The following POU6F2 variants were observed in gnomAD, a reference collection of about 807,000 sequenced individuals.
POU6F2 encodes the protein POU domain, class 6, transcription factor 2.
In POU6F2, 31 loss-of-function variants were observed where a neutral mutation model predicts 71.3. The observed-to-expected ratio is 0.43, with a 90% CI of 0.33 to 0.59. The LOEUF is 0.59. Ranked by LOEUF, POU6F2 falls within the 20% of genes least tolerant of loss-of-function variation. POU6F2 has a pLI of 0.04. For missense variants in POU6F2, 783 were observed against 856.8 expected, an observed-to-expected ratio of 0.91 and a Z score of 1.07; for synonymous variants, 347 against 355.7, an observed-to-expected ratio of 0.98 and a Z score of 0.27.
chr7:39,454,670 AT>A (rs1788746156), intron 8 of POU6F2, among the ~76,000 whole-genome samples: 1 of 1,422 alleles, frequency 7.0e-4, no homozygotes, highest in Non-Finnish European at 1.1e-3. Context: ...ATATATATAT[AT>A]ATATATATAT....
intron 2 of POU6F2, among the ~76,000 whole-genome samples, chr7:39,162,068 G>A (rs1034215598): frequency 4.6e-5 from 7 of 152,148 alleles, no homozygotes; most frequent in African/African-American, 1.7e-4. Flanking sequence ...AACCTCTCAT[G>A]GAGTTTCCAT....
chr7:39,017,612 G>A (rs1346757624), intron 1 of POU6F2, among the ~76,000 whole-genome samples: 2 of 152,052 alleles, frequency 1.3e-5, no homozygotes, highest in Admixed American at 1.3e-4. Context: ...CCACCTCTCT[G>A]CCTCTCCTAC....
Position 39,279,058 on chromosome 7 carries a change from G to A in POU6F2, c.599-60584G>A, listed in dbSNP as rs186560143. Among the ~76,000 whole-genome samples the A allele has an allele frequency of 1.3e-3, 203 of 152,158 alleles. 1 individual carries two copies. Among genetic ancestry groups the A allele is most frequent in the Non-Finnish European group, 1.4e-3 (98 of 67,986 alleles). Reference sequence around the variant, plus strand: ...TGCCCAGTCTCCCAGGTGCACCATGGCCCCAGTCTCTCCGGACTGCCTGGT... The same window carrying A: ...TGCCCAGTCTCCCAGGTGCACCATGACCCCAGTCTCTCCGGACTGCCTGGT... On this transcript the variant is annotated intron_variant, in intron 4 of 9. Coordinates refer to ENST00000518318, the MANE Select transcript of POU6F2 (RefSeq NM_001370959.1).
In POU6F2 at chr7:39,310,889, G is replaced by A. The variant is rs926735026; in HGVS notation, c.599-28753G>A. Among the ~76,000 whole-genome samples the A allele has an allele frequency of 3.3e-5, 5 of 152,130 alleles. No homozygotes were observed. In the South Asian group the frequency reaches 8.3e-4, roughly 25 times the overall value. On this transcript the variant is annotated intron_variant, in intron 4 of 9. Transcript: ENST00000518318. ...CCTGTGTCCAAGACAGAGGTGAAGA[G>A]CTGCTTGGGAAGGGAGGGAAGAGGC... is the stretch of plus-strand genomic sequence containing the variant.
intron 1 of POU6F2, among the ~76,000 whole-genome samples, chr7:39,027,634 A>G (rs189202414): frequency 6.4e-4 from 98 of 152,332 alleles, no homozygotes; most frequent in Middle Eastern, 3.4e-3. Flanking sequence ...ATATTTTGGC[A>G]TGTGGGACAA....
At chr7:39,445,796 C>T (rs1489547327) in intron 7 of POU6F2, among the ~76,000 whole-genome samples, 4 of 152,168 alleles carry the variant, frequency 2.6e-5, no homozygotes, top group Non-Finnish European at 5.9e-5. Context: ...TCATTATACC[C>T]TCCTAGTTAA....
intron 2 of POU6F2, among the ~76,000 whole-genome samples, chr7:39,185,259 T>G (rs1233644409): frequency 1.3e-5 from 2 of 152,030 alleles, no homozygotes; most frequent in Non-Finnish European, 2.9e-5. Flanking sequence ...ACAAGAATGC[T>G]CAGTCCAGTG....
chr7:39,407,497 G>A (rs1010376348), intron 6 of POU6F2, among the ~76,000 whole-genome samples: 2 of 150,734 alleles, frequency 1.3e-5, no homozygotes, highest in African/African-American at 2.4e-5. Flanking sequence ...AAAAGCAAAC[G>A]AGATGAAGCT....
At chr7:39,336,829 G>C (rs1230586801) in intron 4 of POU6F2, among the ~76,000 whole-genome samples, 1 of 152,116 alleles carries the variant, frequency 6.6e-6, no homozygotes, top group Non-Finnish European at 1.5e-5. Flanking sequence ...ATAATAGTAT[G>C]GTCTTATATT....
chr7:39,040,386 T>C (rs1337307772), intron 1 of POU6F2, among the ~76,000 whole-genome samples: 1 of 151,374 alleles, frequency 6.6e-6, no homozygotes, highest in Non-Finnish European at 1.5e-5. Context: ...AGTTATCCTA[T>C]CTTTAAGACA....
At chr7:39,146,893 C>T (rs184182187) in intron 2 of POU6F2, among the ~76,000 whole-genome samples, 4 of 152,088 alleles carry the variant, frequency 2.6e-5, no homozygotes, top group Admixed American at 1.3e-4. Flanking sequence ...TAGTTCATAC[C>T]ATTTAAGTAA....
rs1302987170 is a variant in POU6F2 at position 39,073,484 on chromosome 7, C to A, written c.106-12376C>A. On this transcript the variant is annotated intron_variant, in intron 1 of 9. Coordinates refer to ENST00000518318, the MANE Select transcript of POU6F2 (RefSeq NM_001370959.1). ...TCCAATCACATTCTTCCTTCCTCCC[C>A]ACCCCCATCTCCTTGGAATTATGTT... Among the ~76,000 whole-genome samples the A allele has an allele frequency of 2.0e-5, 3 of 152,034 alleles. No homozygotes were observed. The South Asian group carries it at 6.2e-4, about 32-fold the overall frequency.
intron 4 of POU6F2, among the ~76,000 whole-genome samples, chr7:39,290,752 A>G (rs764566655): frequency 6.6e-6 from 1 of 152,108 alleles, no homozygotes; most frequent in African/African-American, 2.4e-5. Flanking sequence ...TGTGGTGACT[A>G]CCTGTCCTCC....
intron 2 of POU6F2, among the ~76,000 whole-genome samples, chr7:39,149,158 C>T (rs1792688025): frequency 6.6e-6 from 1 of 152,170 alleles, no homozygotes; most frequent in Non-Finnish European, 1.5e-5. Context: ...GCCTTATTCT[C>T]ACTCCATTCC....
In POU6F2 at chr7:39,153,818, A is replaced by C. The variant is rs146703826; in HGVS notation, c.278-50417A>C. On this transcript the variant is annotated intron_variant, in intron 2 of 9. Transcript: ENST00000518318. ...AGGCCAAAGAGTGCAGTACCATGAG[A>C]AGCCTTGCGGGCAAAGGGGACGCAC... Among the ~76,000 whole-genome samples the C allele has an allele frequency of 2.8e-3, 432 of 152,270 alleles. 1 individual carries two copies. The highest frequency in any genetic ancestry group is 9.8e-3 in the African/African-American group (409 of 41,546).
intron 1 of POU6F2, among the ~76,000 whole-genome samples, chr7:39,080,617 C>A (rs1321126585): frequency 6.6e-6 from 1 of 152,166 alleles, no homozygotes; most frequent in Non-Finnish European, 1.5e-5. Flanking sequence ...TTGAGTGCTT[C>A]ACAACCAAAT....
rs1354366163 is a variant in POU6F2, at chr7:39,208,165, G to A, written c.598+545G>A. Among the ~76,000 whole-genome samples, 3 of 152,210 alleles carry A rather than the reference G, an allele frequency of 2.0e-5. No individual in the cohort carries two copies. The East Asian group carries it at 5.8e-4, about 29-fold the overall frequency. The stretch of plus-strand genomic sequence containing the variant: ...TGCAATGAGAAAAATAGACTTGTAT[G>A]TTGAGCCTTTATACTACAGGGACAT... On this transcript the variant is annotated intron_variant, in intron 4 of 9. Transcript: ENST00000518318.
chr7:39,016,935 C>A (rs1373317861), intron 1 of POU6F2, among the ~76,000 whole-genome samples: 2 of 152,120 alleles, frequency 1.3e-5, no homozygotes, highest in Admixed American at 6.5e-5. Context: ...ACTGTGGAGA[C>A]CTTGCCGAAA....
At position 39,460,495 on chromosome 7, in the gene POU6F2, T is replaced by C; in HGVS notation, c.1490-52T>C. 1 of 1,581,076 alleles carries C rather than the reference T, an allele frequency of 6.3e-7. No individual in the cohort carries two copies. The highest frequency in any genetic ancestry group is 8.6e-7 in the Non-Finnish European group (1 of 1,159,514). On this transcript the variant is annotated intron_variant, in intron 8 of 9. Coordinates refer to ENST00000518318, the MANE Select transcript of POU6F2 (RefSeq NM_001370959.1). This position sits in a 1 kb window ranked among gnomAD's most constrained non-coding sequence, Gnocchi z 4.4. ...CTTATAAACCGTAATAAACAGATAT[T>C]GCTCGGCTGTGTGTTGACGTATTGA...
Sources: gnomAD v4.1 joint callset for allele counts (sites outside exome capture counted in the v4.1 genomes callset) on GRCh38, gnomAD v4.1.1 for gene constraint, Gnocchi (gnomAD v3.1) non-coding constraint, MANE v1.5 for transcripts, NCBI Gene and HGNC (gene_info 2026-07-23, HGNC 2026-07-21) for gene names.